OCLN: variants seen among roughly 807,000 people sequenced by gnomAD.
OCLN encodes the protein phosphatase 1, regulatory subunit 115.
Under a neutral mutation model 47.9 loss-of-function variants are expected in OCLN, and 21 were observed. The observed-to-expected ratio is 0.44, with a 90% CI of 0.31 to 0.63. The LOEUF is 0.63. Ranked by LOEUF, OCLN falls within the 30% of genes least tolerant of loss-of-function variation. The pLI, the probability that OCLN is intolerant of heterozygous loss-of-function variation, is 0.08. For synonymous variants in OCLN, 117 were observed against 198.4 expected (o/e 0.59, Z 3.45); for missense variants, 360 against 571.0 (o/e 0.63, Z 3.77).
At chr5:69,498,233 C>T (rs1304811088) in intron 1 of OCLN, among the ~76,000 whole-genome samples, 1 of 152,054 alleles carries the variant, frequency 6.6e-6, no homozygotes, top group African/African-American at 2.4e-5. Flanking sequence ...GTGGCTCATG[C>T]CTGTAATCCC....
At chr5:69,499,337 A>G (rs951168258) in intron 1 of OCLN, among the ~76,000 whole-genome samples, 2 of 151,824 alleles carry the variant, frequency 1.3e-5, no homozygotes, top group Non-Finnish European at 2.9e-5. Flanking sequence ...AGCTTCCTAG[A>G]GTGTTGGGAT....
intron 4 of OCLN, among the ~76,000 whole-genome samples, chr5:69,523,710 A>G (rs988994745): frequency 6.6e-5 from 10 of 151,854 alleles, no homozygotes; most frequent in African/African-American, 2.4e-4. Context: ...TAATTTTTGT[A>G]TTTTTAGTAG....
chr5:69,504,030 A>C (rs1223098273), intron 1 of OCLN, 147 bp from the exon 2 acceptor site: 1 of 598,256 alleles, frequency 1.7e-6, no homozygotes, highest in Admixed American at 3.0e-5. Flanking sequence ...AGCCTGGTAG[A>C]TCAAGGCTGC....
chr5:69,511,074 C>T (rs555918818), intron 3 of OCLN, among the ~76,000 whole-genome samples: 1 of 151,816 alleles, frequency 6.6e-6, no homozygotes, highest in Admixed American at 6.6e-5. Flanking sequence ...TTAGACTTGT[C>T]CATTTTTTTT....
rs550267958 is a variant in OCLN, at chr5:69,509,951, G to A, written c.729+132G>A. ...GGCTCCACTTCTAATTAAATCTGGG[G>A]GAGGGGCTGAGTCTCATTAAGATAT... On this transcript the variant is annotated intron_variant, in intron 3 of 8. Coordinates refer to ENST00000396442, the MANE Select transcript of OCLN (RefSeq NM_001205254.2). 3 of 757,332 alleles carry A rather than the reference G, an allele frequency of 4.0e-6. No individual in the cohort carries two copies. The African/African-American group carries it at 5.2e-5, about 13-fold the overall frequency. 46.9% of individuals were successfully genotyped at this position (757,332 alleles called of 1,614,324 possible).
At chr5:69,516,218 A>G (rs1015377914) in intron 4 of OCLN, among the ~76,000 whole-genome samples, 4 of 152,164 alleles carry the variant, frequency 2.6e-5, no homozygotes, top group Admixed American at 6.5e-5. Flanking sequence ...TTGAGCACTG[A>G]GTGAACCAGA....
chr5:69,496,960 T>C (rs1457302502), intron 1 of OCLN, among the ~76,000 whole-genome samples: 1 of 152,186 alleles, frequency 6.6e-6, no homozygotes, highest in African/African-American at 2.4e-5. Context: ...TCTCATTTTT[T>C]CCTTCACTCA....
intron 3 of OCLN, among the ~76,000 whole-genome samples, chr5:69,511,284 C>T (rs543879012): frequency 4.0e-5 from 6 of 151,572 alleles, no homozygotes; most frequent in African/African-American, 7.3e-5. Flanking sequence ...GGGGTTTCAC[C>T]GTGTTAGCCA....
Position 69,509,732 on chromosome 5 carries a change from C to T in OCLN, c.642C>T (p.Ala214=). Residue 214 remains alanine, a synonymous_variant, in exon 3 of 9, where the codon GCC becomes GCT. Transcript: ENST00000396442. ...SGSLYGSQIY[A]LCNQFYTPAA... is the part of the protein sequence containing the mutation. The stretch of plus-strand genomic sequence containing the variant: ...CTCTATATGGTTCACAAATATATGC[C>T]CTCTGCAACCAATTTTATACACCTG... 6.2e-7 allele frequency: 1 copy of T among 1,614,022 alleles called. No homozygotes were observed. Among genetic ancestry groups the T allele is most frequent in the African/African-American group, 1.3e-5 (1 of 75,000 alleles).
At chr5:69,513,875 A>G in intron 3 of OCLN, 73 bp from the exon 4 acceptor site, 2 of 1,297,328 alleles carry the variant, frequency 1.5e-6, no homozygotes, top group South Asian at 1.2e-5. Flanking sequence ...AAGGGTTTTA[A>G]TAATATGTAG....
At chr5:69,515,907 G>A (rs1768950443) in intron 4 of OCLN, among the ~76,000 whole-genome samples, 3 of 151,486 alleles carry the variant, frequency 2.0e-5, no homozygotes, top group Admixed American at 1.3e-4. Flanking sequence ...TGGGCGGCCG[G>A]GCAGAGACGC....
At chr5:69,506,062 C>A (rs1172165186) in intron 2 of OCLN, among the ~76,000 whole-genome samples, 1 of 152,168 alleles carries the variant, frequency 6.6e-6, no homozygotes, top group South Asian at 2.1e-4. Flanking sequence ...TCAGGATTCC[C>A]ACAGTTGTCT....
At chr5:69,524,520 C>T (rs1313298934) in intron 4 of OCLN, among the ~76,000 whole-genome samples, 1 of 152,148 alleles carries the variant, frequency 6.6e-6, no homozygotes, top group African/African-American at 2.4e-5. Context: ...TGCCTTTTTA[C>T]GCAGAGTTAG....
intron 4 of OCLN, among the ~76,000 whole-genome samples, chr5:69,533,108 C>CACACACACACACACATAT (rs1554055366): frequency 6.8e-6 from 1 of 146,890 alleles, no homozygotes; most frequent in Non-Finnish European, 1.5e-5. Context: ...CACACACACA[C>CACACACACACACACATAT]ATATATATAT....
intron 3 of OCLN, among the ~76,000 whole-genome samples, chr5:69,510,867 G>A (rs939443850): frequency 2.0e-5 from 3 of 152,144 alleles, no homozygotes; most frequent in African/African-American, 7.2e-5. Context: ...ATTCACATCA[G>A]AAATGTATGA....
In OCLN at chr5:69,509,648, G is replaced by A; in HGVS notation, c.558G>A (p.Val186=). The A allele has an allele frequency of 6.2e-7, 1 of 1,614,204 alleles. No individual in the cohort carries two copies. Among genetic ancestry groups the A allele is most frequent in the Non-Finnish European group, 8.5e-7 (1 of 1,180,034 alleles). The change falls in exon 3 of 9, where the codon GTG becomes GTA. Residue 186 remains valine, a synonymous_variant. Transcript: ENST00000396442. ...TGAGTGCTATCCTGGGCATCATGGT[G>A]TTTATTGCCACAATTGTCTATATAA... ...IIVSAILGIM[V]FIATIVYIMG...
rs1407908651 is a variant in OCLN at position 69,493,815 on chromosome 5, A to AGC, written c.-69+916_-69+917dup. Among the ~76,000 whole-genome samples, 14 of 152,150 alleles carry AGC rather than the reference A, an allele frequency of 9.2e-5. No individual in the cohort carries two copies. The East Asian group carries it at 2.7e-3, about 30-fold the overall frequency. On this transcript the variant is annotated intron_variant, in intron 1 of 8. Coordinates refer to ENST00000396442, the MANE Select transcript of OCLN (RefSeq NM_001205254.2). This position sits in a 1 kb window ranked among gnomAD's most constrained non-coding sequence, Gnocchi z 5.3. ...CCTGCGTCGGAGGAAGCGTGCGGGG[A>AGC]GCAGGGGTCGAGGGCCAAGATGGCC...
chr5:69,493,123 G>C lies in OCLN; in HGVS notation c.-69+223G>C, dbSNP rs919571707. Among the ~76,000 whole-genome samples, 1 of 152,184 alleles carries C rather than the reference G, an allele frequency of 6.6e-6. No individual in the cohort carries two copies. Among genetic ancestry groups the C allele is most frequent in the Non-Finnish European group, 1.5e-5 (1 of 68,010 alleles). ...AGGCTGCCTCCTGGGGCGAGGGGTG[G>C]CTTGGAGCCGCCGATCAAGCTTTAT... On this transcript the variant is annotated intron_variant, in intron 1 of 8. Coordinates refer to ENST00000396442, the MANE Select transcript of OCLN (RefSeq NM_001205254.2). The surrounding 1 kb of genome is among the most constrained non-coding windows in gnomAD (Gnocchi z 5.3).
At chr5:69,537,124 A>C (rs1305547588) in intron 5 of OCLN, among the ~76,000 whole-genome samples, 2 of 151,336 alleles carry the variant, frequency 1.3e-5, no homozygotes, top group Non-Finnish European at 2.9e-5. Flanking sequence ...AAGAAAAGCC[A>C]AAAATCCCAT....
Sources: gnomAD v4.1 joint callset for allele counts (sites outside exome capture counted in the v4.1 genomes callset) on GRCh38, gnomAD v4.1.1 for gene constraint, Gnocchi (gnomAD v3.1) non-coding constraint, MANE v1.5 for transcripts, NCBI Gene and HGNC (gene_info 2026-07-23, HGNC 2026-07-21) for gene names.